Variants in CEP63 observed in about 807,000 individuals in gnomAD.
CEP63 encodes the protein centrosomal protein 63.
A neutral mutation model predicts 89.1 loss-of-function variants in CEP63; 84 were observed. The ratio of observed to expected loss-of-function variants is 0.94; its 90% CI spans 0.79 to 1.13. The LOEUF (loss-of-function observed/expected upper bound fraction) is 1.13, where lower values mean the gene tolerates loss of function less well. CEP63 is among the 50% of genes most tolerant of loss of function. CEP63 has a pLI of 0.00. For missense variants in CEP63, 838 were observed against 813.3 expected, an observed-to-expected ratio of 1.03 and a Z score of -0.37; for synonymous variants, 267 against 272.5, an observed-to-expected ratio of 0.98 and a Z score of 0.20.
downstream of CEP63, among the ~76,000 whole-genome samples, chr3:134,590,585 G>A (rs1008027965): frequency 2.0e-5 from 3 of 152,170 alleles, no homozygotes; most frequent in African/African-American, 7.2e-5. Context: ...GAAGAATGGG[G>A]CTGGAATAGC....
At chr3:134,691,735 A>G in the CEP63 span, among the ~76,000 whole-genome samples, 3 of 151,970 alleles carry the variant, frequency 2.0e-5, no homozygotes, top group African/African-American at 4.8e-5. Flanking sequence ...AGAGAATGGC[A>G]TTCTTTTTTT....
At chr3:134,701,813 TA>T in the CEP63 span, among the ~76,000 whole-genome samples, 1 of 152,292 alleles carries the variant, frequency 6.6e-6, no homozygotes, top group East Asian at 1.9e-4. Flanking sequence ...GACATAATCC[TA>T]TATCTAGAAA....
the CEP63 span, among the ~76,000 whole-genome samples, chr3:134,745,919 CTTTTTT>C: frequency 2.2e-5 from 3 of 137,528 alleles, no homozygotes; most frequent in African/African-American, 8.1e-5. Context: ...ATTTTCTTTT[CTTTTTT>C]TTTTATTATA....
chr3:134,532,738 A>C (rs1204437148), intron 4 of CEP63, 40 bp from the exon 5 acceptor site: 1 of 1,551,082 alleles, frequency 6.4e-7, no homozygotes, highest in Admixed American at 1.7e-5. Context: ...ACTTCTTACA[A>C]ATTCTTAAAC....
the CEP63 span, among the ~76,000 whole-genome samples, chr3:134,697,448 T>C: frequency 1.3e-5 from 2 of 152,110 alleles, no homozygotes; most frequent in Non-Finnish European, 2.9e-5. Context: ...TCTGAAAACA[T>C]GCATGTAGAT....
the CEP63 span, among the ~76,000 whole-genome samples, chr3:134,684,744 A>G: frequency 6.6e-6 from 1 of 152,200 alleles, no homozygotes; most frequent in Non-Finnish European, 1.5e-5. Flanking sequence ...CAACAGGGAC[A>G]ATATACCTTT....
chr3:134,705,283 T>C, the CEP63 span, among the ~76,000 whole-genome samples: 1 of 152,092 alleles, frequency 6.6e-6, no homozygotes. Flanking sequence ...CATAACATGG[T>C]GGAGAAAGTC....
the CEP63 span, chr3:134,643,491 C>T: frequency 7.2e-4 from 559 of 780,428 alleles, 5 homozygotes; most frequent in South Asian, 7.7e-3. Context: ...CCAAGCACAT[C>T]CCCAGGCCTA....
the CEP63 span, chr3:134,780,730 G>A: frequency 6.6e-6 from 1 of 152,130 alleles, no homozygotes; most frequent in African/African-American, 2.4e-5. Flanking sequence ...GTTTCTCTCA[G>A]TGTATGGCTT....
At chr3:134,725,565 G>T in the CEP63 span, among the ~76,000 whole-genome samples, 8 of 152,178 alleles carry the variant, frequency 5.3e-5, no homozygotes, top group Non-Finnish European at 1.0e-4. Context: ...GGATTTTTAT[G>T]TGCATTCTCC....
At chr3:134,527,527 G>A (rs780610429) in intron 3 of CEP63, among the ~76,000 whole-genome samples, 2 of 152,172 alleles carry the variant, frequency 1.3e-5, no homozygotes, top group South Asian at 4.1e-4. Context: ...GCAGTGTCAA[G>A]GTGGATACAT....
chr3:134,504,256 A>T (rs1559884929), intron 2 of CEP63, among the ~76,000 whole-genome samples: 2 of 151,768 alleles, frequency 1.3e-5, no homozygotes, highest in Admixed American at 6.6e-5. Flanking sequence ...TCCCATATGC[A>T]TTTTTTGTAG....
the CEP63 span, among the ~76,000 whole-genome samples, chr3:134,696,987 T>C: frequency 6.6e-6 from 1 of 152,208 alleles, no homozygotes; most frequent in Admixed American, 6.5e-5. Flanking sequence ...ACTATGAACG[T>C]TGTTAAGTTA....
chr3:134,723,976 G>A, the CEP63 span, among the ~76,000 whole-genome samples: 1 of 152,212 alleles, frequency 6.6e-6, no homozygotes, highest in Non-Finnish European at 1.5e-5. Flanking sequence ...CTACGGCTTA[G>A]ATCCTAAGTG....
intron 11 of CEP63, among the ~76,000 whole-genome samples, chr3:134,573,899 T>C (rs1224442114): frequency 6.6e-6 from 1 of 152,176 alleles, no homozygotes; most frequent in Non-Finnish European, 1.5e-5. Context: ...AGTTAGGCCC[T>C]GAGGTTTTGG....
the CEP63 span, among the ~76,000 whole-genome samples, chr3:134,642,588 A>G: frequency 6.6e-6 from 1 of 152,080 alleles, no homozygotes; most frequent in Non-Finnish European, 1.5e-5. Context: ...CCTGTCCCCA[A>G]AAAGTGAGGA....
intron 3 of CEP63, among the ~76,000 whole-genome samples, chr3:134,522,818 G>T (rs962417549): frequency 6.6e-6 from 1 of 152,096 alleles, no homozygotes. Flanking sequence ...GGACATTTAG[G>T]TTGATACTGT....
the CEP63 span, among the ~76,000 whole-genome samples, chr3:134,665,709 A>AGG: frequency 7.1e-6 from 1 of 140,558 alleles, no homozygotes; most frequent in African/African-American, 2.5e-5. Flanking sequence ...ACACAGAGAG[A>AGG]GAGAGAGAGA....
the CEP63 span, among the ~76,000 whole-genome samples, chr3:134,733,901 T>C: frequency 5.9e-5 from 9 of 151,308 alleles, no homozygotes; most frequent in Admixed American, 5.3e-4. Flanking sequence ...TAATAAACCA[T>C]ATAAAGCTCA....
Sources: allele counts gnomAD v4.1 joint callset (sites outside exome capture counted in the v4.1 genomes callset), GRCh38; gene constraint gnomAD v4.1.1; transcripts MANE v1.5; gene names NCBI Gene and HGNC (gene_info 2026-07-23, HGNC 2026-07-21).